Variants in TTC39B observed in about 807,000 individuals in gnomAD.
TTC39B encodes tetratricopeptide repeat protein 39B.
In TTC39B, 92 loss-of-function variants were observed where a neutral mutation model predicts 96.6. The ratio of observed to expected loss-of-function variants is 0.95; its 90% CI spans 0.80 to 1.13. TTC39B has a LOEUF of 1.13. Ranked by LOEUF, TTC39B falls within the 50% of genes most tolerant of loss-of-function variation. TTC39B has a pLI of 0.00. For missense variants in TTC39B, 955 were observed against 809.3 expected, an observed-to-expected ratio of 1.18 and a Z score of -2.18; for synonymous variants, 367 against 299.4, an observed-to-expected ratio of 1.23 and a Z score of -2.33.
chr9:15,198,486 A>ATATATC (rs1554768101), intron 8 of TTC39B, among the ~76,000 whole-genome samples: 1 of 142,868 alleles, frequency 7.0e-6, no homozygotes, highest in Non-Finnish European at 1.5e-5. Flanking sequence ...ATATATATAT[A>ATATATC]TCATAAAGGG....
At chr9:15,219,877 G>A (rs1273773720) in intron 3 of TTC39B, among the ~76,000 whole-genome samples, 1 of 152,128 alleles carries the variant, frequency 6.6e-6, no homozygotes, top group Non-Finnish European at 1.5e-5. Flanking sequence ...CCCTCACAAG[G>A]GAGGCCTGCA....
rs1428078944 is a variant in TTC39B, at chr9:15,233,588, C to T, written c.276-7576G>A. 5.9e-5 allele frequency among the ~76,000 whole-genome samples: 9 copies of T among 151,572 alleles called. No homozygotes were observed. In the South Asian group the frequency reaches 1.3e-3, roughly 21 times the overall value. ...GGCCGGGCTGGTCTCCAGCTCCTAACCGCCAGTGATCCGCCAGCCTCGGCC... is the reference window on the plus strand; with the variant it reads ...GGCCGGGCTGGTCTCCAGCTCCTAATCGCCAGTGATCCGCCAGCCTCGGCC... On this transcript the variant is annotated intron_variant, in intron 2 of 19. Transcript: ENST00000512701.
intron 3 of TTC39B, among the ~76,000 whole-genome samples, chr9:15,220,748 C>A (rs959730909): frequency 2.0e-5 from 3 of 152,096 alleles, no homozygotes; most frequent in Non-Finnish European, 4.4e-5. Context: ...ACCAGTTCCC[C>A]TAGATAACAT....
intron 19 of TTC39B, among the ~76,000 whole-genome samples, chr9:15,172,582 C>T (rs966427540): frequency 1.3e-5 from 2 of 152,130 alleles, no homozygotes; most frequent in Non-Finnish European, 2.9e-5. Flanking sequence ...ATTACTTATT[C>T]CAATTCTCAC....
At chr9:15,166,559 C>T (rs1030442976) in exon 20 of TTC39B, 20 of 152,200 alleles carry the variant, frequency 1.3e-4, no homozygotes, top group African/African-American at 4.8e-4. Context: ...AGCTGCTCAA[C>T]ATAAAAGATA....
intron 2 of TTC39B, among the ~76,000 whole-genome samples, chr9:15,234,846 G>C (rs1259891100): frequency 2.0e-5 from 3 of 151,924 alleles, no homozygotes; most frequent in Non-Finnish European, 2.9e-5. Flanking sequence ...CTCCTTAAGA[G>C]TCATTACCAC....
In TTC39B at chr9:15,272,659, A is replaced by C. The variant is rs115180472; in HGVS notation, c.241-4711T>G. Among the ~76,000 whole-genome samples the C allele has an allele frequency of 3.3e-3, 501 of 152,280 alleles. 2 individuals are homozygous for C. The highest frequency in any genetic ancestry group is 0.012 in the African/African-American group (479 of 41,546). On this transcript the variant is annotated intron_variant, in intron 1 of 19. Coordinates refer to ENST00000512701, the Ensembl canonical transcript of TTC39B. ...CCTCCAAACAGTATCTAACTTGTTC[A>C]AGAGCCTATCTTGACTCTCTAGTTG...
chr9:15,254,828 T>TACACACACAC (rs35980691), intron 2 of TTC39B, among the ~76,000 whole-genome samples: 4 of 143,766 alleles, frequency 2.8e-5, no homozygotes, highest in Non-Finnish European at 6.1e-5. Flanking sequence ...CATAACTTTA[T>TACACACACAC]ACACACACAC....
chr9:15,244,000 C>A (rs1211366587), intron 2 of TTC39B, among the ~76,000 whole-genome samples: 2 of 152,230 alleles, frequency 1.3e-5, no homozygotes, highest in Non-Finnish European at 2.9e-5. Context: ...CTGCTGTTTT[C>A]CTTGCCCATA....
At chr9:15,215,165 T>C (rs184380887) in intron 3 of TTC39B, among the ~76,000 whole-genome samples, 1 of 152,122 alleles carries the variant, frequency 6.6e-6, no homozygotes, top group Non-Finnish European at 1.5e-5. Context: ...AGTGGGAGGA[T>C]GCTTGAGCTC....
At chr9:15,193,377 G>T (rs1356510230) in intron 8 of TTC39B, among the ~76,000 whole-genome samples, 1 of 152,090 alleles carries the variant, frequency 6.6e-6, no homozygotes, top group African/African-American at 2.4e-5. Flanking sequence ...TAATACCTGG[G>T]AATTGCTTAT....
intron 2 of TTC39B, among the ~76,000 whole-genome samples, chr9:15,257,768 A>AATAAG (rs1563768861): frequency 9.9e-5 from 15 of 151,338 alleles, no homozygotes; most frequent in South Asian, 2.1e-4. Flanking sequence ...TATTTTTAAA[A>AATAAG]ATAATTTTAG....
chr9:15,263,338 A>G (rs958054508), intron 2 of TTC39B, among the ~76,000 whole-genome samples: 3 of 152,172 alleles, frequency 2.0e-5, no homozygotes. Flanking sequence ...TAATCCTCTC[A>G]ATAAATCTAT....
At chr9:15,211,136 G>T in intron 5 of TTC39B, 130 bp downstream of exon 5, 2 of 1,096,710 alleles carry the variant, frequency 1.8e-6, no homozygotes, top group Non-Finnish European at 2.5e-6. Context: ...CAGCTTCGAG[G>T]CTGAATTTCT....
chr9:15,262,886 T>C (rs1030357179), intron 2 of TTC39B, among the ~76,000 whole-genome samples: 1 of 152,138 alleles, frequency 6.6e-6, no homozygotes, highest in Non-Finnish European at 1.5e-5. Flanking sequence ...GTTCAGTAAG[T>C]GTAAGGAAAA....
chr9:15,207,827 A>C (rs907029276), intron 6 of TTC39B, among the ~76,000 whole-genome samples: 1 of 151,146 alleles, frequency 6.6e-6, no homozygotes, highest in Admixed American at 6.6e-5. Context: ...TACTAAAAAT[A>C]CAAAAAATTA....
chr9:15,225,018 G>A (rs1174233855), intron 3 of TTC39B, among the ~76,000 whole-genome samples: 1 of 152,116 alleles, frequency 6.6e-6, no homozygotes, highest in African/African-American at 2.4e-5. Context: ...AACCTCTAAG[G>A]ATGGATGAAA....
At chr9:15,268,515 C>T (rs911931734) in intron 1 of TTC39B, among the ~76,000 whole-genome samples, 1 of 152,174 alleles carries the variant, frequency 6.6e-6, no homozygotes, top group African/African-American at 2.4e-5. Flanking sequence ...AGACCACACA[C>T]ACACTCCACA....
In TTC39B at chr9:15,181,527, G is replaced by T. The variant is rs550960114; in HGVS notation, c.1723+780C>A. Among the ~76,000 whole-genome samples the T allele has an allele frequency of 1.9e-4, 29 of 152,266 alleles. No homozygotes were observed. In the South Asian group the frequency reaches 5.6e-3, roughly 29 times the overall value. ...ACCCAGAGTCTGATGGCAGAGCTGGGACTATAAGCCCAGACTGCCTGATTC... is the reference window on the plus strand; with the variant it reads ...ACCCAGAGTCTGATGGCAGAGCTGGTACTATAAGCCCAGACTGCCTGATTC... On this transcript the variant is annotated intron_variant, in intron 17 of 19. Coordinates refer to ENST00000512701, the Ensembl canonical transcript of TTC39B.
Sources: gnomAD v4.1 joint callset for allele counts (sites outside exome capture counted in the v4.1 genomes callset) on GRCh38, gnomAD v4.1.1 for gene constraint, MANE v1.5 for transcripts, NCBI Gene and HGNC (gene_info 2026-07-23, HGNC 2026-07-21) for gene names.